Variants in ETFRF1 observed in about 807,000 individuals in gnomAD.
ETFRF1 encodes the protein LYR motif containing 5.
In ETFRF1, 12 loss-of-function variants were observed where a neutral mutation model predicts 9.0. That is an observed-to-expected ratio of 1.34 (90% CI 0.86 to 2.16). ETFRF1 has a LOEUF of 2.16. Ranked by LOEUF, ETFRF1 falls within the 30% of genes most tolerant of loss-of-function variation. The pLI is 0.00. For synonymous variants in ETFRF1, 34 were observed against 33.2 expected (o/e 1.02, Z -0.08); for missense variants, 98 against 101.8 (o/e 0.96, Z 0.16).
intron 1 of ETFRF1, among the ~76,000 whole-genome samples, chr12:25,197,100 G>A (rs1042029266): frequency 1.3e-5 from 2 of 151,512 alleles, no homozygotes; most frequent in Non-Finnish European, 2.9e-5. Flanking sequence ...GTTGCAGTGA[G>A]CCAAGATCGC....
At chr12:25,195,493 T>G in intron 1 of ETFRF1, 156 bp downstream of exon 1, 1 of 317,588 alleles carries the variant, frequency 3.1e-6, no homozygotes, top group Non-Finnish European at 6.0e-6. Flanking sequence ...TGTTGGGTCT[T>G]TCTGTGAGGG....
chr12:25,204,434 C>T lies in ETFRF1; in HGVS notation c.*122C>T. 4.1e-6 allele frequency: 3 copies of T among 738,116 alleles called. No individual in the cohort carries two copies. Among genetic ancestry groups the T allele is most frequent in the Non-Finnish European group, 6.0e-6 (3 of 499,246 alleles). 45.7% of individuals were successfully genotyped at this position (738,116 alleles called of 1,614,324 possible). On this transcript the variant is annotated 3_prime_UTR_variant, in exon 3 of 3. Transcript: ENST00000381356. ...TGTAAAAAATCCCTGAGCTGCCCTA[C>T]TGAACTAAATAGGTTTCAACTTCTG...
At chr12:25,197,866 G>C (rs141183363) in intron 1 of ETFRF1, among the ~76,000 whole-genome samples, 151 of 152,168 alleles carry the variant, frequency 9.9e-4, no homozygotes, top group African/African-American at 3.5e-3. Context: ...TTAATATAGT[G>C]GGTTAAATAC....
chr12:25,203,660 C>T, intron 1 of ETFRF1: 1 of 277,376 alleles, frequency 3.6e-6, no homozygotes, highest in Non-Finnish European at 6.6e-6. Flanking sequence ...GATGACAATC[C>T]ACTTTCTCAT....
At chr12:25,203,472 TG>T (rs1444508945) in intron 1 of ETFRF1, among the ~76,000 whole-genome samples, 1 of 152,244 alleles carries the variant, frequency 6.6e-6, no homozygotes, top group Non-Finnish European at 1.5e-5. Flanking sequence ...TTCTGCTCAA[TG>T]TCCTTCAAGT....
chr12:25,196,558 TG>T (rs1180923876), intron 1 of ETFRF1, among the ~76,000 whole-genome samples: 1 of 152,226 alleles, frequency 6.6e-6, no homozygotes, highest in Non-Finnish European at 1.5e-5. Flanking sequence ...GAACTGGAAC[TG>T]GTTAAGTCCT....
At position 25,198,031 on chromosome 12, in the gene ETFRF1, A is replaced by G. The variant is rs551610246; in HGVS notation, c.-38+2694A>G. ...TGACTTAGCACACCAGAAAAACCCAATTCACTCTGCAGAATTCTCAAAAGG... is the reference window on the plus strand; with the variant it reads ...TGACTTAGCACACCAGAAAAACCCAGTTCACTCTGCAGAATTCTCAAAAGG... On this transcript the variant is annotated intron_variant, in intron 1 of 2. Coordinates refer to ENST00000381356, the MANE Select transcript of ETFRF1 (RefSeq NM_001001660.3). Among the ~76,000 whole-genome samples, 27 of 152,332 alleles carry G rather than the reference A, an allele frequency of 1.8e-4. 1 individual carries two copies. Among genetic ancestry groups the G allele is most frequent in the African/African-American group, 5.8e-4 (24 of 41,576 alleles).
intron 1 of ETFRF1, 72 bp downstream of exon 1, chr12:25,195,409 C>G (rs1445736640): frequency 1.9e-6 from 1 of 531,704 alleles, no homozygotes; most frequent in Non-Finnish European, 3.4e-6. Context: ...GAAATATGCT[C>G]TGGGCGAGGA....
intron 1 of ETFRF1, among the ~76,000 whole-genome samples, chr12:25,197,082 A>T (rs533032470): frequency 1.8e-4 from 28 of 152,076 alleles, no homozygotes; most frequent in Admixed American, 9.8e-4. Flanking sequence ...TGAACCCGGG[A>T]GAGGGAGGTT....
intron 1 of ETFRF1, among the ~76,000 whole-genome samples, chr12:25,202,063 C>CGAAAAAAAAAA (rs1951077666): frequency 1.9e-5 from 1 of 52,814 alleles, no homozygotes; most frequent in Non-Finnish European, 3.7e-5. Flanking sequence ...TACTGAAATA[C>CGAAAAAAAAAA]AAAAAAAAAA....
chr12:25,199,613 T>TATAC (rs1322526841), intron 1 of ETFRF1, among the ~76,000 whole-genome samples: 1 of 104,406 alleles, frequency 9.6e-6, no homozygotes, highest in Non-Finnish European at 2.1e-5. Flanking sequence ...TACATATATG[T>TATAC]ATACATACAC....
Position 25,204,314 on chromosome 12 carries a change from C to A in ETFRF1, c.*2C>A, listed in dbSNP as rs759072290. ...TCAGATACCAACAAAACTAATTGAT[C>A]ATTACTACTTTAATTTAGCTATCAG... On this transcript the variant is annotated 3_prime_UTR_variant, in exon 3 of 3. Coordinates refer to ENST00000381356, the MANE Select transcript of ETFRF1 (RefSeq NM_001001660.3). 17 of 1,558,118 alleles carry A rather than the reference C, an allele frequency of 1.1e-5. No homozygotes were observed. Among genetic ancestry groups the A allele is most frequent in the Non-Finnish European group, 1.4e-5 (16 of 1,158,188 alleles).
rs1426011319 is a variant in ETFRF1 at position 25,195,324 on chromosome 12, C to A, written c.-51C>A. ...GTAGCGGTCGAGGCTTTTGCGGCTCCGGCGTGCCGGAAAGTGCGTGAGTGC... is the reference window on the plus strand; with the variant it reads ...GTAGCGGTCGAGGCTTTTGCGGCTCAGGCGTGCCGGAAAGTGCGTGAGTGC... On this transcript the variant is annotated 5_prime_UTR_variant, in exon 1 of 3. Coordinates refer to ENST00000381356, the MANE Select transcript of ETFRF1 (RefSeq NM_001001660.3). The A allele has an allele frequency of 1.7e-5, 10 of 602,160 alleles. No individual in the cohort carries two copies. Among genetic ancestry groups the A allele is most frequent in the Non-Finnish European group, 3.0e-5 (10 of 338,666 alleles). The allele number at this position is 602,160 out of a possible 1,614,324, so 37.3% of individuals were successfully genotyped here. A position where few individuals can be genotyped will look rare whatever the true frequency, so the allele number is the denominator to read the frequency against.
intron 1 of ETFRF1, among the ~76,000 whole-genome samples, chr12:25,202,392 G>T (rs1263295572): frequency 2.2e-5 from 1 of 45,566 alleles, no homozygotes; most frequent in Non-Finnish European, 7.0e-5. Flanking sequence ...AATGCAGTGA[G>T]GAGGGCCTCT....
At chr12:25,199,635 C>T (rs1951058947) in intron 1 of ETFRF1, among the ~76,000 whole-genome samples, 2 of 151,504 alleles carry the variant, frequency 1.3e-5, no homozygotes, top group Admixed American at 6.6e-5. Context: ...CACACACACA[C>T]ACACACACAC....
At chr12:25,195,759 C>T (rs1950983752) in intron 1 of ETFRF1, 1 of 152,718 alleles carries the variant, frequency 6.5e-6, no homozygotes, top group African/African-American at 2.4e-5. Context: ...GAAAATGAAG[C>T]AATTCCTGGC....
intron 1 of ETFRF1, among the ~76,000 whole-genome samples, chr12:25,202,245 G>T (rs1397663122): frequency 2.7e-5 from 4 of 150,720 alleles, no homozygotes; most frequent in Non-Finnish European, 5.9e-5. Flanking sequence ...AAAAAAAAAA[G>T]TTGCTTCCTG....
chr12:25,203,361 A>C (rs186271566), intron 1 of ETFRF1, among the ~76,000 whole-genome samples: 379 of 152,262 alleles, frequency 2.5e-3, no homozygotes, highest in Non-Finnish European at 4.3e-3. Flanking sequence ...CTTCACCACC[A>C]ATCTTACTGC....
chr12:25,203,837 C>T (rs1423718013), intron 1 of ETFRF1, 83 bp from the exon 2 acceptor site: 16 of 739,616 alleles, frequency 2.2e-5, no homozygotes, highest in Non-Finnish European at 3.2e-5. Context: ...AAAAAGGTTA[C>T]CATTTTCTCA....
Sources: allele counts gnomAD v4.1 joint callset (sites outside exome capture counted in the v4.1 genomes callset), GRCh38; gene constraint gnomAD v4.1.1; transcripts MANE v1.5; gene names NCBI Gene and HGNC (gene_info 2026-07-23, HGNC 2026-07-21).